The following DAW1 variants were observed in gnomAD, a reference collection of about 807,000 sequenced individuals.
DAW1 encodes the protein dynein assembly factor with WD repeats 1.
In DAW1, 47 loss-of-function variants were observed where a neutral mutation model predicts 56.5. That is an observed-to-expected ratio of 0.83 (90% CI 0.66 to 1.06). DAW1 has a LOEUF of 1.06. Among genes scored for constraint, DAW1 ranks in the 50% least tolerant of loss-of-function variants. The pLI is 0.00. For synonymous variants in DAW1, 190 were observed against 179.0 expected (o/e 1.06, Z -0.49); for missense variants, 505 against 499.3 (o/e 1.01, Z -0.11).
chr2:227,912,654 T>G (rs1269026221), intron 10 of DAW1, among the ~76,000 whole-genome samples: 1 of 152,188 alleles, frequency 6.6e-6, no homozygotes, highest in Non-Finnish European at 1.5e-5. Flanking sequence ...AATGTTTCCC[T>G]ATGTCTGTGT....
chr2:227,907,116 T>G lies in DAW1; in HGVS notation c.859-22T>G, dbSNP rs771943393. On this transcript the variant is annotated intron_variant, in intron 9 of 12. Coordinates refer to ENST00000309931, the MANE Select transcript of DAW1 (RefSeq NM_178821.3). ...GAAAGTCATAGTCTTTTTTTTTTTGTTTTTTGTTCTTTTAATTGTAGCTGT... is the reference window on the plus strand; with the variant it reads ...GAAAGTCATAGTCTTTTTTTTTTTGGTTTTTGTTCTTTTAATTGTAGCTGT... The G allele has an allele frequency of 8.3e-6, 13 of 1,560,798 alleles. 1 individual carries two copies. In the South Asian group the frequency reaches 1.3e-4, roughly 16 times the overall value.
chr2:227,908,328 A>G (rs942347521), intron 10 of DAW1, among the ~76,000 whole-genome samples: 5 of 152,194 alleles, frequency 3.3e-5, no homozygotes, highest in Admixed American at 2.6e-4. Flanking sequence ...ATGCAAAACC[A>G]TGATCATCTT....
intron 10 of DAW1, 67 bp from the exon 11 acceptor site, chr2:227,918,713 C>G: frequency 6.5e-7 from 1 of 1,546,140 alleles, no homozygotes; most frequent in Non-Finnish European, 8.9e-7. Context: ...TTATACAATG[C>G]AAAGTCTTTT....
chr2:227,901,722 G>A (rs1025553447), intron 6 of DAW1, among the ~76,000 whole-genome samples: 14 of 152,192 alleles, frequency 9.2e-5, no homozygotes, highest in Admixed American at 2.6e-4. Context: ...AAGAGTTGAC[G>A]AGTGAGCAGA....
rs779483105 is a variant in DAW1, at chr2:227,905,038, A to G, written c.755+3A>G. 6.8e-6 allele frequency: 11 copies of G among 1,610,858 alleles called. No homozygotes were observed. The East Asian group carries it at 2.2e-4, about 33-fold the overall frequency. ...GTGTGGGACGCTGATACTGGAAGGT[A>G]ATTCTTAGTTCTTAAGAATTGTTTT... On this transcript the variant is annotated splice_donor_region_variant and intron_variant, in intron 8 of 12. Transcript: ENST00000309931.
At chr2:227,872,620 A>C (rs1690783249) in intron 1 of DAW1, among the ~76,000 whole-genome samples, 1 of 151,930 alleles carries the variant, frequency 6.6e-6, no homozygotes, top group African/African-American at 2.4e-5. Flanking sequence ...ATCATCACCC[A>C]GCCTGTTTTT....
intron 3 of DAW1, 32 bp from the exon 4 acceptor site, chr2:227,891,223 A>G (rs1691259233): frequency 2.5e-6 from 4 of 1,592,788 alleles, no homozygotes; most frequent in African/African-American, 1.3e-5. Flanking sequence ...ATTTGGTTTG[A>G]GTCTAAAAAA....
chr2:227,918,688 C>T (rs1021534368), intron 10 of DAW1, 92 bp from the exon 11 acceptor site: 1 of 1,364,264 alleles, frequency 7.3e-7, no homozygotes, highest in Non-Finnish European at 1.0e-6. Context: ...GCTCGTGTGT[C>T]AGGGGGATAT....
chr2:227,915,596 A>G lies in DAW1; in HGVS notation c.974-3184A>G, dbSNP rs146235992. On this transcript the variant is annotated intron_variant, in intron 10 of 12. Coordinates refer to ENST00000309931, the MANE Select transcript of DAW1 (RefSeq NM_178821.3). ...ACCTCCTTGACAATAACCTCTGATA[A>G]TCATCTCCTTGAGAATGATGTGTGA... 4.6e-5 allele frequency among the ~76,000 whole-genome samples: 7 copies of G among 152,158 alleles called. No homozygotes were observed. In the East Asian group the frequency reaches 1.2e-3, roughly 25 times the overall value.
chr2:227,873,879 C>T (rs908335435), intron 1 of DAW1, among the ~76,000 whole-genome samples: 1 of 152,092 alleles, frequency 6.6e-6, no homozygotes, highest in African/African-American at 2.4e-5. Context: ...CGGGGTTTCA[C>T]CATGTTGGCC....
Position 227,898,201 on chromosome 2 carries a change from T to C in DAW1, c.460T>C (p.Ser154Pro). 6.4e-7 allele frequency: 1 copy of C among 1,574,466 alleles called. No homozygotes were observed. ...NPYGDKIATG[S>P]FDKTCKLWSV... The stretch of plus-strand genomic sequence containing the variant: ...TCTTAGTGACAAAATCGCCACTGGG[T>C]CCTTTGATAAAACTTGTAAACTCTG... The change falls in exon 6 of 13, where the codon TCC becomes CCC. Residue 154 changes from serine to proline, a missense_variant. Physicochemically the swap from Ser to Pro is moderately conservative, Grantham distance 74. Transcript: ENST00000309931.
rs768291881 is a variant in DAW1, at chr2:227,889,985, G to A, written c.243G>A (p.Thr81=). 8.2e-6 allele frequency: 13 copies of A among 1,586,582 alleles called. No homozygotes were observed. The highest frequency in any genetic ancestry group is 5.5e-5 in the African/African-American group (4 of 73,258). ...QEKLGQNSNH[T]FYLFKVLKAH... ...AACTCGGCCAGAACAGCAATCACAC[G>A]TTCTATCTTTTTAAGGTAATGGATT... The change falls in exon 3 of 13, where the codon ACG becomes ACA. Residue 81 remains threonine (T), a synonymous_variant. Transcript: ENST00000309931.
intron 1 of DAW1, among the ~76,000 whole-genome samples, chr2:227,878,799 T>C (rs962527338): frequency 1.4e-5 from 2 of 143,634 alleles, no homozygotes; most frequent in African/African-American, 2.6e-5. Flanking sequence ...ACTTTTTAAA[T>C]TTAAATTTAA....
chr2:227,893,193 C>T (rs1481479472), intron 4 of DAW1, among the ~76,000 whole-genome samples: 1 of 150,992 alleles, frequency 6.6e-6, no homozygotes, highest in Non-Finnish European at 1.5e-5. Flanking sequence ...TCGCTTGAAC[C>T]CCGGAGGCAG....
At chr2:227,892,297 T>G (rs1304532572) in intron 4 of DAW1, among the ~76,000 whole-genome samples, 1 of 151,834 alleles carries the variant, frequency 6.6e-6, no homozygotes, top group African/African-American at 2.4e-5. Flanking sequence ...CACGCCCAGC[T>G]AATTTTTTGT....
Position 227,880,657 on chromosome 2 carries a change from C to T in DAW1, c.41-4694C>T, listed in dbSNP as rs532987430. Among the ~76,000 whole-genome samples the T allele has an allele frequency of 9.2e-5, 14 of 152,296 alleles. No individual in the cohort carries two copies. In the East Asian group the frequency reaches 9.6e-4, roughly 10 times the overall value. ...TGTTCTAAAATCTTGCAGTTCATTA[C>T]GCAACAGCTGCTTAGATTACCTGTT... On this transcript the variant is annotated intron_variant, in intron 1 of 12. Transcript: ENST00000309931.
chr2:227,875,481 C>G (rs1261875681), intron 1 of DAW1, among the ~76,000 whole-genome samples: 1 of 152,186 alleles, frequency 6.6e-6, no homozygotes. Context: ...CGACTTTTCC[C>G]TCCAGCAACA....
chr2:227,919,196 GAA>G (rs199807073), intron 11 of DAW1, among the ~76,000 whole-genome samples: 30 of 108,012 alleles, frequency 2.8e-4, no homozygotes, highest in East Asian at 5.8e-4. Context: ...ACCCTATCTA[GAA>G]AAAAAAAAAA....
chr2:227,887,254 T>C (rs1050512403), intron 2 of DAW1, among the ~76,000 whole-genome samples: 3 of 152,242 alleles, frequency 2.0e-5, no homozygotes, highest in African/African-American at 4.8e-5. Flanking sequence ...ACAATCTTTG[T>C]TATTTTCAGA....
Sources: allele counts gnomAD v4.1 joint callset (sites outside exome capture counted in the v4.1 genomes callset), GRCh38; gene constraint gnomAD v4.1.1; transcripts MANE v1.5; gene names NCBI Gene and HGNC (gene_info 2026-07-23, HGNC 2026-07-21).